The following ARPC2 variants were observed in gnomAD, a reference collection of about 807,000 sequenced individuals.
ARPC2 encodes the protein actin-related protein 2/3 complex subunit 2.
ARPC2 carries 4 observed loss-of-function variants against 38.6 expected under a neutral mutation model. The ratio of observed to expected loss-of-function variants is 0.10; its 90% CI spans 0.05 to 0.24. The LOEUF (loss-of-function observed/expected upper bound fraction) is 0.24. ARPC2 is among the 10% of genes least tolerant of loss of function. The pLI, the probability that ARPC2 is intolerant of heterozygous loss-of-function variation, is 1.00. For synonymous variants in ARPC2, 125 were observed against 140.8 expected (o/e 0.89, Z 0.79); for missense variants, 229 against 387.3 (o/e 0.59, Z 3.43).
chr2:218,237,037 T>C lies in ARPC2; in HGVS notation c.269-1627T>C, dbSNP rs367799001. 5.3e-5 allele frequency among the ~76,000 whole-genome samples: 8 copies of C among 152,178 alleles called. No homozygotes were observed. In the East Asian group the frequency reaches 1.5e-3, roughly 29 times the overall value. On this transcript the variant is annotated intron_variant, in intron 5 of 10. Transcript: ENST00000315717. ...GTTCCAGCCGGCTTCTGGGAATTCA[T>C]AGTGGACATGCTGTAAAAAGGCAGG...
At chr2:218,229,715 TTA>T (rs1200827676) in intron 4 of ARPC2, among the ~76,000 whole-genome samples, 1 of 152,222 alleles carries the variant, frequency 6.6e-6, no homozygotes, top group Non-Finnish European at 1.5e-5. Flanking sequence ...AAAACTAAAA[TTA>T]GTCTTAATAC....
chr2:218,222,043 G>A (rs562899055), intron 2 of ARPC2, among the ~76,000 whole-genome samples: 11 of 152,292 alleles, frequency 7.2e-5, no homozygotes, highest in South Asian at 6.2e-4. Flanking sequence ...CAAGGAGGGC[G>A]GATCACTTGA....
At chr2:218,245,664 C>T (rs1192711811) in intron 8 of ARPC2, 118 bp downstream of exon 8, 1 of 1,380,876 alleles carries the variant, frequency 7.2e-7, no homozygotes, top group East Asian at 2.3e-5. Context: ...GGCATACCAA[C>T]TTGTTCCTGT....
At position 218,221,182 on chromosome 2, in the gene ARPC2, T is replaced by C. The variant is rs769614910; in HGVS notation, c.74+3638T>C. ...CAAATTGCTGTTGGATTTAAGTGTG[T>C]GCTGGCTCCGTGCCACAGCCAGTGT... On this transcript the variant is annotated intron_variant, in intron 2 of 10. Transcript: ENST00000315717. Among the ~76,000 whole-genome samples the C allele has an allele frequency of 2.6e-5, 4 of 152,312 alleles. No homozygotes were observed. The South Asian group carries it at 8.3e-4, about 32-fold the overall frequency.
chr2:218,231,923 G>A (rs570862993), intron 4 of ARPC2, among the ~76,000 whole-genome samples: 2 of 142,942 alleles, frequency 1.4e-5, no homozygotes, highest in East Asian at 1.9e-4. Context: ...GGGCAACGTA[G>A]TGAGACCCTG....
chr2:218,227,882 G>A (rs1186371806), intron 3 of ARPC2, among the ~76,000 whole-genome samples: 1 of 152,208 alleles, frequency 6.6e-6, no homozygotes, highest in East Asian at 1.9e-4. Context: ...ACAGGCTTGA[G>A]CCACTGTGCC....
chr2:218,225,723 C>A (rs1217003425), intron 2 of ARPC2, among the ~76,000 whole-genome samples, 197 bp from the exon 3 acceptor site: 2 of 151,010 alleles, frequency 1.3e-5, no homozygotes, highest in African/African-American at 2.4e-5. Flanking sequence ...TCTGACCTTC[C>A]TTTTTTATCC....
intron 4 of ARPC2, among the ~76,000 whole-genome samples, chr2:218,232,546 ATTTTTTT>A (rs71064418): frequency 1.2e-5 from 1 of 83,148 alleles, no homozygotes; most frequent in Non-Finnish European, 2.3e-5. Context: ...GCCAGACTCA[ATTTTTTT>A]TTTTTTTTTT....
intron 8 of ARPC2, among the ~76,000 whole-genome samples, chr2:218,246,942 C>T (rs1026416614): frequency 1.3e-5 from 2 of 151,990 alleles, no homozygotes; most frequent in South Asian, 2.1e-4. Context: ...CATCCTGCTG[C>T]GCTCCAGCCT....
At chr2:218,228,352 G>T (rs889525237) in intron 3 of ARPC2, among the ~76,000 whole-genome samples, 2 of 151,614 alleles carry the variant, frequency 1.3e-5, no homozygotes, top group Non-Finnish European at 2.9e-5. Flanking sequence ...GCAGTGAGCC[G>T]AGACCACACC....
At chr2:218,246,259 AC>A (rs1179074745) in intron 8 of ARPC2, among the ~76,000 whole-genome samples, 1 of 150,638 alleles carries the variant, frequency 6.6e-6, no homozygotes, top group African/African-American at 2.4e-5. Context: ...GCGGTGTCTC[AC>A]GCCTGTAATC....
intron 7 of ARPC2, 50 bp from the exon 8 acceptor site, chr2:218,245,370 C>T (rs1335969320): frequency 6.2e-7 from 1 of 1,611,866 alleles, no homozygotes; most frequent in Non-Finnish European, 8.5e-7. Context: ...TGAGTTGCCA[C>T]TCATCTTACA....
intron 4 of ARPC2, among the ~76,000 whole-genome samples, chr2:218,231,486 G>A (rs1353302834): frequency 1.3e-5 from 2 of 152,062 alleles, no homozygotes; most frequent in Non-Finnish European, 2.9e-5. Flanking sequence ...CCAATAGTAC[G>A]TGCAACACAG....
chr2:218,228,924 T>A lies in ARPC2; in HGVS notation c.222+74T>A, dbSNP rs921413549. The A allele has an allele frequency of 2.7e-5, 27 of 985,936 alleles. 1 individual carries two copies. The highest frequency in any genetic ancestry group is 4.0e-5 in the Non-Finnish European group (25 of 627,562). 61.1% of individuals were successfully genotyped at this position (985,936 alleles called of 1,614,324 possible). ...TTGGCAGTTTGCCATTCATGGAAGA[T>A]CCATGGCACTAAATCACCCCCACAT... On this transcript the variant is annotated intron_variant, in intron 4 of 10. Transcript: ENST00000315717.
chr2:218,220,024 A>C (rs189461171), intron 2 of ARPC2, among the ~76,000 whole-genome samples: 5 of 152,140 alleles, frequency 3.3e-5, no homozygotes, highest in Non-Finnish European at 7.3e-5. Context: ...TATCATAAAC[A>C]TGTATGGGAT....
At chr2:218,233,387 T>C (rs1325455868) in intron 4 of ARPC2, 1 of 152,082 alleles carries the variant, frequency 6.6e-6, no homozygotes, top group Non-Finnish European at 1.5e-5. Context: ...ACATGAGTTT[T>C]CGAAAGGACA....
chr2:218,253,823 C>T (rs1690250753), intron 10 of ARPC2, 68 bp from the exon 11 acceptor site: 1 of 1,584,282 alleles, frequency 6.3e-7, no homozygotes, highest in Non-Finnish European at 8.6e-7. Flanking sequence ...CCCATCTAGT[C>T]TAGGAGTGTG....
chr2:218,240,319 A>C (rs1233832751), intron 7 of ARPC2, among the ~76,000 whole-genome samples: 1 of 152,216 alleles, frequency 6.6e-6, no homozygotes, highest in Non-Finnish European at 1.5e-5. Flanking sequence ...AGAATTAAAC[A>C]TACTAACTAT....
chr2:218,230,287 CTTTTTTTTTTTT>C (rs768585570), intron 4 of ARPC2, among the ~76,000 whole-genome samples: 5 of 73,010 alleles, frequency 6.8e-5, no homozygotes, highest in East Asian at 9.1e-4. Context: ...TTTTTTTTTT[CTTTTTTTTTTTT>C]TTTTTTTTTT....
Sources: gnomAD v4.1 joint callset for allele counts (sites outside exome capture counted in the v4.1 genomes callset) on GRCh38, gnomAD v4.1.1 for gene constraint, MANE v1.5 for transcripts, NCBI Gene and HGNC (gene_info 2026-07-23, HGNC 2026-07-21) for gene names.